Variants in ZNF618 observed in about 807,000 individuals in gnomAD.
ZNF618 encodes neural precursor cell expressed, developmentally down-regulated 10.
A neutral mutation model predicts 103.0 loss-of-function variants in ZNF618; 34 were observed. The observed-to-expected ratio is 0.33, with a 90% CI of 0.25 to 0.44. ZNF618 has a LOEUF of 0.44. ZNF618 is among the 20% of genes least tolerant of loss of function. ZNF618 has a pLI of 1.00. For synonymous variants in ZNF618, 551 were observed against 542.2 expected, an observed-to-expected ratio of 1.02 and a Z score of -0.23; for missense variants, 1,059 against 1,295.4, an observed-to-expected ratio of 0.82 and a Z score of 2.80.
rs1205698929 is a variant in ZNF618, at chr9:114,006,786, A to G, written c.551-564A>G. On this transcript the variant is annotated intron_variant, in intron 6 of 14. Transcript: ENST00000374126. ...GAAAGAACTGCTTTTAAACTCACTC[A>G]TGTGGTTGCTAGCAGGTTTAACAAC... Among the ~76,000 whole-genome samples the G allele has an allele frequency of 3.9e-5, 6 of 152,028 alleles. No individual in the cohort carries two copies. The East Asian group carries it at 1.2e-3, about 29-fold the overall frequency.
intron 1 of ZNF618, among the ~76,000 whole-genome samples, chr9:113,945,195 A>G (rs562033144): frequency 2.4e-3 from 371 of 151,954 alleles, no homozygotes; most frequent in Non-Finnish European, 2.7e-3. Context: ...TGCTGTTCCC[A>G]TTGTGTGGAT....
rs540300729 is a variant in ZNF618, at chr9:114,009,820, T to TCCCTCC, written c.754+1276_754+1281dup. Reference sequence around the variant, plus strand: ...AGCTCTTGGAAGGGGTTGGGTGGGTTCCCTCCCCCTCCCCCAAATGCTTTT... The same window carrying TCCCTCC: ...AGCTCTTGGAAGGGGTTGGGTGGGTTCCCTCCCCCTCCCCCTCCCCCAAATGCTTTT... On this transcript the variant is annotated intron_variant, in intron 9 of 14. Coordinates refer to ENST00000374126, the MANE Select transcript of ZNF618 (RefSeq NM_001318042.2). 1.4e-3 allele frequency among the ~76,000 whole-genome samples: 212 copies of TCCCTCC among 152,206 alleles called. 2 individuals are homozygous for TCCCTCC. Among genetic ancestry groups the TCCCTCC allele is most frequent in the South Asian group, 8.9e-3 (43 of 4,822 alleles).
chr9:113,971,319 G>A (rs1485185475), intron 2 of ZNF618, among the ~76,000 whole-genome samples: 2 of 152,078 alleles, frequency 1.3e-5, no homozygotes, highest in Admixed American at 6.5e-5. Context: ...CGTATAATGA[G>A]TCAGTGGCTG....
chr9:113,955,924 G>A (rs1390697246), intron 1 of ZNF618, among the ~76,000 whole-genome samples: 3 of 152,012 alleles, frequency 2.0e-5, no homozygotes, highest in Non-Finnish European at 4.4e-5. Context: ...GGGTCAGGAG[G>A]CCTCAGTTTC....
At chr9:113,969,329 A>C (rs530020696) in intron 2 of ZNF618, among the ~76,000 whole-genome samples, 169 bp downstream of exon 2, 14 of 152,330 alleles carry the variant, frequency 9.2e-5, no homozygotes, top group Non-Finnish European at 2.9e-5. Context: ...AGGTCATAGA[A>C]AGCATTTTCC....
intron 1 of ZNF618, among the ~76,000 whole-genome samples, chr9:113,937,234 G>A (rs1201478714): frequency 3.3e-5 from 5 of 151,874 alleles, no homozygotes; most frequent in East Asian, 1.9e-4. Flanking sequence ...TTACTTTTTC[G>A]TGTCTTTCTC....
At chr9:113,973,693 A>G (rs1215886074) in intron 2 of ZNF618, among the ~76,000 whole-genome samples, 1 of 152,200 alleles carries the variant, frequency 6.6e-6, no homozygotes, top group Non-Finnish European at 1.5e-5. Context: ...TAAGTTTGGA[A>G]AATTCTGAAG....
chr9:114,007,960 T>G (rs1841900318), intron 7 of ZNF618, among the ~76,000 whole-genome samples: 1 of 152,204 alleles, frequency 6.6e-6, no homozygotes, highest in African/African-American at 2.4e-5. Context: ...GCCCACCACC[T>G]GTTACCACTG....
chr9:113,884,884 G>A (rs1828919670), intron 1 of ZNF618, among the ~76,000 whole-genome samples: 1 of 152,064 alleles, frequency 6.6e-6, no homozygotes, highest in South Asian at 2.1e-4. Context: ...GCGGAAGTGG[G>A]ACTAAAAGCC....
At chr9:113,983,139 T>A (rs1839122607) in intron 2 of ZNF618, among the ~76,000 whole-genome samples, 1 of 152,176 alleles carries the variant, frequency 6.6e-6, no homozygotes, top group Non-Finnish European at 1.5e-5. Flanking sequence ...TTCACTAATA[T>A]ACCTAATGAT....
At chr9:114,023,426 G>A (rs1354238392) in intron 10 of ZNF618, among the ~76,000 whole-genome samples, 1 of 151,960 alleles carries the variant, frequency 6.6e-6, no homozygotes, top group African/African-American at 2.4e-5. Context: ...TGTTCTTTGT[G>A]CTATTTTTAT....
In ZNF618 at chr9:114,013,762, T is replaced by C. The variant is rs1043519669; in HGVS notation, c.755-2933T>C. 5.3e-5 allele frequency among the ~76,000 whole-genome samples: 8 copies of C among 152,262 alleles called. No homozygotes were observed. In the East Asian group the frequency reaches 9.6e-4, roughly 18 times the overall value. ...TTATTTTTTTAAAAGGAAGGAGGAA[T>C]TGGGGAGGGCTTACAGTAAAGTAGG... On this transcript the variant is annotated intron_variant, in intron 9 of 14. Transcript: ENST00000374126.
rs76260367 is a variant in ZNF618 at position 113,908,742 on chromosome 9, G to C, written c.33+32329G>C. Among the ~76,000 whole-genome samples, 767 of 152,046 alleles carry C rather than the reference G, an allele frequency of 5.0e-3. 5 individuals are homozygous for C. The highest frequency in any genetic ancestry group is 0.018 in the African/African-American group (743 of 41,460). On this transcript the variant is annotated intron_variant, in intron 1 of 14. Coordinates refer to ENST00000374126, the MANE Select transcript of ZNF618 (RefSeq NM_001318042.2). ...TTGCCCCTTCTCAGGCTCTGCTTCT[G>C]CCTCACTGGGGAGTGAGGATCACAG...
intron 2 of ZNF618, among the ~76,000 whole-genome samples, chr9:113,971,182 C>T (rs757460389): frequency 7.2e-5 from 11 of 151,728 alleles, no homozygotes; most frequent in African/African-American, 1.9e-4. Flanking sequence ...GTTGTCAGAC[C>T]GGTGCCTGGA....
chr9:113,951,403 G>GTATATATACACACATATGTGTGTATA (rs1835566505), intron 1 of ZNF618, among the ~76,000 whole-genome samples: 2 of 41,872 alleles, frequency 4.8e-5, no homozygotes, highest in Non-Finnish European at 9.4e-5. Context: ...ATATATATAC[G>GTATATATACACACATATGTGTGTATA]TATATATACA....
chr9:113,897,958 A>G (rs1370314716), intron 1 of ZNF618, among the ~76,000 whole-genome samples: 2 of 152,022 alleles, frequency 1.3e-5, no homozygotes, highest in Non-Finnish European at 2.9e-5. Context: ...ATGCCCAGCT[A>G]ATTTTTGTAT....
At chr9:113,951,577 A>ATACG (rs1554733167) in intron 1 of ZNF618, among the ~76,000 whole-genome samples, 10 of 49,146 alleles carry the variant, frequency 2.0e-4, no homozygotes, top group African/African-American at 6.5e-4. Context: ...GTGTGTGTAT[A>ATACG]TGTGTGTGTG....
At chr9:113,926,181 A>G (rs1248576514) in intron 1 of ZNF618, among the ~76,000 whole-genome samples, 4 of 147,184 alleles carry the variant, frequency 2.7e-5, no homozygotes, top group South Asian at 4.3e-4. Context: ...TAGGACTTTC[A>G]GTATTTCACC....
At chr9:113,922,477 GT>G (rs71367740) in intron 1 of ZNF618, among the ~76,000 whole-genome samples, 62,593 of 133,000 alleles carry the variant, frequency 0.47, 13,841 homozygotes, top group Non-Finnish European at 0.53. Flanking sequence ...GTTTTGGTTT[GT>G]TTTTTTTTTT....
Sources: allele counts gnomAD v4.1 joint callset (sites outside exome capture counted in the v4.1 genomes callset), GRCh38; gene constraint gnomAD v4.1.1; transcripts MANE v1.5; gene names NCBI Gene and HGNC (gene_info 2026-07-23, HGNC 2026-07-21).